The following LRBA variants were observed in gnomAD, a reference collection of about 807,000 sequenced individuals.
LRBA encodes the protein lipopolysaccharide-responsive and beige-like anchor protein.
LRBA carries 176 observed loss-of-function variants against 330.0 expected under a neutral mutation model. The observed-to-expected ratio is 0.53, with a 90% confidence interval of 0.47 to 0.60. The LOEUF is 0.60. Among genes scored for constraint, LRBA ranks in the 20% least tolerant of loss-of-function variants. The pLI is 0.00. For missense variants in LRBA, 3,259 were observed against 3,444.8 expected (o/e 0.95, Z 1.35); for synonymous variants, 1,230 against 1,193.0 (o/e 1.03, Z -0.64).
At chr4:150,528,361 C>CGTG (rs1172010889) in intron 40 of LRBA, among the ~76,000 whole-genome samples, 1 of 151,864 alleles carries the variant, frequency 6.6e-6, no homozygotes, top group Non-Finnish European at 1.5e-5. Context: ...ATTAGCCAGG[C>CGTG]GTGGTGGTGG....
intron 42 of LRBA, among the ~76,000 whole-genome samples, chr4:150,478,746 C>T (rs988108697): frequency 6.6e-6 from 1 of 152,158 alleles, no homozygotes; most frequent in Non-Finnish European, 1.5e-5. Flanking sequence ...GGTTATATTT[C>T]TTCAAATCAA....
intron 40 of LRBA, among the ~76,000 whole-genome samples, chr4:150,546,726 A>C (rs1489361003): frequency 2.0e-5 from 3 of 152,194 alleles, no homozygotes; most frequent in Non-Finnish European, 4.4e-5. Context: ...AACACAGTAA[A>C]ATTGTTTTAA....
intron 44 of LRBA, among the ~76,000 whole-genome samples, chr4:150,441,115 A>AATG (rs1371299040): frequency 1.6e-4 from 24 of 152,126 alleles, no homozygotes; most frequent in African/African-American, 5.5e-4. Flanking sequence ...ACATAATAAT[A>AATG]ATGATAATAA....
At chr4:150,686,427 A>G (rs1783635313) in intron 36 of LRBA, among the ~76,000 whole-genome samples, 1 of 152,244 alleles carries the variant, frequency 6.6e-6, no homozygotes, top group South Asian at 2.1e-4. Flanking sequence ...ATAAAAGAAA[A>G]TGATTAAGAA....
intron 42 of LRBA, among the ~76,000 whole-genome samples, chr4:150,472,508 T>A (rs868308928): frequency 6.6e-6 from 1 of 152,146 alleles, no homozygotes; most frequent in Non-Finnish European, 1.5e-5. Context: ...TTTTAAAAAA[T>A]ATTTCAAAAG....
chr4:150,452,608 C>T (rs774240366), intron 44 of LRBA, among the ~76,000 whole-genome samples: 1 of 138,740 alleles, frequency 7.2e-6, no homozygotes, highest in Non-Finnish European at 1.5e-5. Flanking sequence ...TGCAACAGAG[C>T]ACGACTCCAT....
intron 34 of LRBA, among the ~76,000 whole-genome samples, chr4:150,762,286 G>T (rs1359343717): frequency 1.3e-5 from 2 of 151,850 alleles, no homozygotes; most frequent in Non-Finnish European, 2.9e-5. Context: ...AAAAATTGAT[G>T]ACTAGCAACT....
At chr4:150,538,895 C>T (rs1213513838) in intron 40 of LRBA, among the ~76,000 whole-genome samples, 1 of 151,918 alleles carries the variant, frequency 6.6e-6, no homozygotes, top group Non-Finnish European at 1.5e-5. Flanking sequence ...TACCCCAAAC[C>T]TCAGTGTTAT....
chr4:150,721,012 A>G, intron 36 of LRBA: 1 of 533,302 alleles, frequency 1.9e-6, no homozygotes, highest in South Asian at 1.5e-5. Flanking sequence ...GTTAGAGATT[A>G]CAATTTGACT....
In LRBA at chr4:150,732,107, C is replaced by A. The variant is rs566469270; in HGVS notation, c.5754+3151G>T. Among the ~76,000 whole-genome samples the A allele has an allele frequency of 7.2e-5, 11 of 152,058 alleles. No homozygotes were observed. The South Asian group carries it at 2.1e-3, about 29-fold the overall frequency. On this transcript the variant is annotated intron_variant, in intron 36 of 56. Coordinates refer to ENST00000651943, the MANE Select transcript of LRBA (RefSeq NM_001364905.1). ...CATGTTTAAAAACTGAAGCCATCAA[C>A]CTCTTAATTTTTTCATAATTTATTA...
In LRBA at chr4:150,350,162, G is replaced by T; in HGVS notation, c.7195-3C>A. ...GAAACAAATTCACTCTCCAGGGCCT[G>T]AAAAAAGGTATACATTGTATTACTA... On this transcript the variant is annotated splice_region_variant and splice_polypyrimidine_tract_variant and intron_variant, in intron 47 of 56. Transcript: ENST00000651943. 11 of 1,548,682 alleles carry T rather than the reference G, an allele frequency of 7.1e-6. No individual in the cohort carries two copies. The highest frequency in any genetic ancestry group is 9.5e-6 in the Non-Finnish European group (11 of 1,154,196).
intron 37 of LRBA, among the ~76,000 whole-genome samples, chr4:150,653,600 C>G (rs1048426284): frequency 6.6e-6 from 1 of 152,158 alleles, no homozygotes; most frequent in African/African-American, 2.4e-5. Flanking sequence ...GGGCCCGCTG[C>G]TACCAGATTG....
At chr4:150,567,480 G>A (rs1769285991) in intron 40 of LRBA, among the ~76,000 whole-genome samples, 1 of 151,944 alleles carries the variant, frequency 6.6e-6, no homozygotes. Flanking sequence ...GGCACTGATG[G>A]GATACCAGTA....
intron 22 of LRBA, among the ~76,000 whole-genome samples, chr4:150,865,051 TAG>T (rs1415576450): frequency 6.6e-6 from 1 of 152,212 alleles, no homozygotes; most frequent in Non-Finnish European, 1.5e-5. Context: ...ATAGATCTGT[TAG>T]AAACGTGAAA....
chr4:150,605,390 G>GCA, intron 37 of LRBA, among the ~76,000 whole-genome samples: 1 of 152,240 alleles, frequency 6.6e-6, no homozygotes, highest in African/African-American at 2.4e-5. Flanking sequence ...CTTTGCTTTG[G>GCA]CAATACCTGA....
At chr4:150,442,976 C>A (rs1752029072) in intron 44 of LRBA, among the ~76,000 whole-genome samples, 1 of 152,098 alleles carries the variant, frequency 6.6e-6, no homozygotes, top group Non-Finnish European at 1.5e-5. Flanking sequence ...GATGACAATG[C>A]TACTATTTGC....
chr4:150,551,575 G>A (rs1452515734), intron 40 of LRBA, among the ~76,000 whole-genome samples: 2 of 151,810 alleles, frequency 1.3e-5, no homozygotes, highest in African/African-American at 4.8e-5. Flanking sequence ...GCTACTCAGG[G>A]GAGGATCACT....
chr4:150,377,970 CA>C (rs5862918), intron 47 of LRBA, among the ~76,000 whole-genome samples: 46 of 130,976 alleles, frequency 3.5e-4, no homozygotes, highest in South Asian at 7.6e-4. Flanking sequence ...GACTCTGTCT[CA>C]AAAAAAAAAA....
chr4:150,855,235 C>A (rs953392533), intron 22 of LRBA, among the ~76,000 whole-genome samples: 1 of 152,162 alleles, frequency 6.6e-6, no homozygotes, highest in Non-Finnish European at 1.5e-5. Context: ...TGCACTCCAC[C>A]CTGGGTGACA....
Sources: allele counts gnomAD v4.1 joint callset (sites outside exome capture counted in the v4.1 genomes callset), GRCh38; gene constraint gnomAD v4.1.1; transcripts MANE v1.5; gene names NCBI Gene and HGNC (gene_info 2026-07-23, HGNC 2026-07-21).